The following KCNMB2 variants were observed in gnomAD, a reference collection of about 807,000 sequenced individuals.
KCNMB2 encodes the protein calcium-activated potassium channel subunit beta-2.
Under a neutral mutation model 24.5 loss-of-function variants are expected in KCNMB2, and 9 were observed. That is an observed-to-expected ratio of 0.37 (90% CI 0.22 to 0.64). The LOEUF is 0.64. Among genes scored for constraint, KCNMB2 ranks in the 30% least tolerant of loss-of-function variants. The pLI, the probability that KCNMB2 is intolerant of heterozygous loss-of-function variation, is 0.63. For synonymous variants in KCNMB2, 109 were observed against 104.4 expected, an observed-to-expected ratio of 1.04 and a Z score of -0.27; for missense variants, 226 against 284.3, an observed-to-expected ratio of 0.79 and a Z score of 1.47.
At chr3:178,675,622 A>C (rs1384141008) in intron 1 of KCNMB2, among the ~76,000 whole-genome samples, 2 of 152,222 alleles carry the variant, frequency 1.3e-5, no homozygotes, top group African/African-American at 4.8e-5. Context: ...ATCTTTGATC[A>C]ATGTTCACAT....
At chr3:178,548,676 C>A (rs141138644) in intron 1 of KCNMB2, among the ~76,000 whole-genome samples, 1 of 152,328 alleles carries the variant, frequency 6.6e-6, no homozygotes, top group Non-Finnish European at 1.5e-5. Context: ...TTAATCCTTT[C>A]ACATTTTTCC....
chr3:178,827,098 C>G (rs1035048971), intron 3 of KCNMB2, among the ~76,000 whole-genome samples: 3 of 152,192 alleles, frequency 2.0e-5, no homozygotes, highest in Non-Finnish European at 4.4e-5. Flanking sequence ...GCCTGTCCAA[C>G]AAAAGGAAAG....
At chr3:178,758,636 C>CTCTCCAAGAGGATATATATATATATA (rs1157576707) in intron 1 of KCNMB2, among the ~76,000 whole-genome samples, 5,173 of 12,252 alleles carry the variant, frequency 0.42, 1,696 homozygotes, top group Middle Eastern at 0.62. Context: ...ATATATCTCT[C>CTCTCCAAGAGGATATATATATATATA]TCTCCAAGAG....
At chr3:178,758,001 A>AAGAG (rs1312329650) in intron 1 of KCNMB2, among the ~76,000 whole-genome samples, 3 of 1,274 alleles carry the variant, frequency 2.4e-3, no homozygotes, top group African/African-American at 4.0e-3. Flanking sequence ...ATATATATCT[A>AAGAG]GATATATATA....
At chr3:178,580,390 T>A (rs1223415917) in intron 1 of KCNMB2, among the ~76,000 whole-genome samples, 1 of 152,234 alleles carries the variant, frequency 6.6e-6, no homozygotes, top group Non-Finnish European at 1.5e-5. Flanking sequence ...GAGCTATTTA[T>A]GACAAACCCA....
intron 1 of KCNMB2, among the ~76,000 whole-genome samples, chr3:178,642,581 A>G (rs1354097547): frequency 1.3e-5 from 2 of 152,242 alleles, no homozygotes; most frequent in African/African-American, 2.4e-5. Flanking sequence ...AGTTAGGGAG[A>G]AGATGTTCTG....
chr3:178,659,826 A>T (rs1233105010), intron 1 of KCNMB2, among the ~76,000 whole-genome samples: 1 of 152,210 alleles, frequency 6.6e-6, no homozygotes, highest in African/African-American at 2.4e-5. Flanking sequence ...AGCTTTTGCT[A>T]TGATCATTAT....
chr3:178,660,672 G>A (rs185205828), intron 1 of KCNMB2, among the ~76,000 whole-genome samples: 53 of 152,266 alleles, frequency 3.5e-4, no homozygotes, highest in Non-Finnish European at 7.4e-5. Context: ...GAGTTGGTTT[G>A]GTGAATGTTA....
At chr3:178,757,536 ATATATATATG>A (rs1342207206) in intron 1 of KCNMB2, among the ~76,000 whole-genome samples, 1 of 53,062 alleles carries the variant, frequency 1.9e-5, no homozygotes, top group Non-Finnish European at 3.2e-5. Context: ...CCAAGAGGAT[ATATATATATG>A]TATATATATC....
rs577608773 is a variant in KCNMB2 at position 178,759,821 on chromosome 3, T to G, written c.-67-47522T>G. Among the ~76,000 whole-genome samples the G allele has an allele frequency of 3.7e-4, 12 of 32,260 alleles. 1 individual carries two copies. Among genetic ancestry groups the G allele is most frequent in the African/African-American group, 1.8e-3 (10 of 5,670 alleles). 21.2% of individuals were successfully genotyped at this position (32,260 alleles called of 152,430 possible). ...ATCCAAGAGGATATATCTATATATATATATATCCAAGAGGATATATCTATA... is the reference window on the plus strand; with the variant it reads ...ATCCAAGAGGATATATCTATATATAGATATATCCAAGAGGATATATCTATA... On this transcript the variant is annotated intron_variant, in intron 1 of 4. Transcript: ENST00000452583.
intron 1 of KCNMB2, among the ~76,000 whole-genome samples, chr3:178,590,800 C>T (rs574917957): frequency 7.2e-4 from 109 of 152,244 alleles, no homozygotes; most frequent in Non-Finnish European, 1.1e-3. Context: ...GTGCCCAGGC[C>T]CTCCACAACT....
intron 1 of KCNMB2, among the ~76,000 whole-genome samples, chr3:178,730,025 C>A (rs1723092757): frequency 1.3e-5 from 2 of 152,194 alleles, no homozygotes; most frequent in Admixed American, 1.3e-4. Flanking sequence ...GAAAAAAAGA[C>A]CTCTAGAGAA....
chr3:178,658,776 A>G (rs1160075267), intron 1 of KCNMB2, among the ~76,000 whole-genome samples: 2 of 152,208 alleles, frequency 1.3e-5, no homozygotes, highest in Non-Finnish European at 2.9e-5. Flanking sequence ...TACTCAGTAA[A>G]TGATGCTCAA....
chr3:178,694,280 C>T (rs780428198), intron 1 of KCNMB2, among the ~76,000 whole-genome samples: 7 of 152,148 alleles, frequency 4.6e-5, no homozygotes, highest in Non-Finnish European at 8.8e-5. Context: ...TCCACCTAGT[C>T]CCTCCTATAA....
intron 1 of KCNMB2, among the ~76,000 whole-genome samples, chr3:178,586,222 C>T (rs1717423701): frequency 6.6e-6 from 1 of 152,084 alleles, no homozygotes; most frequent in African/African-American, 2.4e-5. Context: ...AGATTCCTTC[C>T]ATCTTTGACT....
chr3:178,544,351 T>A (rs1206304331), intron 1 of KCNMB2, among the ~76,000 whole-genome samples: 3 of 152,182 alleles, frequency 2.0e-5, no homozygotes, highest in Non-Finnish European at 4.4e-5. Flanking sequence ...TCCTCTCTGC[T>A]GTCTGCCCAC....
chr3:178,700,547 A>T (rs1233335436), intron 1 of KCNMB2, among the ~76,000 whole-genome samples: 1 of 152,266 alleles, frequency 6.6e-6, no homozygotes, highest in East Asian at 1.9e-4. Context: ...AAGGAAAACA[A>T]GCCCAAGAAG....
rs545557205 is a variant in KCNMB2 at position 178,610,994 on chromosome 3, T to C, written c.-68+74283T>C. 5.3e-5 allele frequency among the ~76,000 whole-genome samples: 8 copies of C among 152,352 alleles called. No individual in the cohort carries two copies. The East Asian group carries it at 5.8e-4, about 11-fold the overall frequency. ...TGGTATCAGGGTAATACTAGCCTCA[T>C]AGAATAAATTTGGAAGTATTCGCTC... is the stretch of plus-strand genomic sequence containing the variant. On this transcript the variant is annotated intron_variant, in intron 1 of 4. Coordinates refer to ENST00000452583, the MANE Select transcript of KCNMB2 (RefSeq NM_181361.3).
chr3:178,603,976 C>T (rs1397252380), intron 1 of KCNMB2, among the ~76,000 whole-genome samples: 1 of 152,084 alleles, frequency 6.6e-6, no homozygotes, highest in Non-Finnish European at 1.5e-5. Context: ...GACACAGAAC[C>T]ACCCCAAGGC....
Sources: gnomAD v4.1 joint callset for allele counts (sites outside exome capture counted in the v4.1 genomes callset) on GRCh38, gnomAD v4.1.1 for gene constraint, MANE v1.5 for transcripts, NCBI Gene and HGNC (gene_info 2026-07-23, HGNC 2026-07-21) for gene names.